Variants in ZNF131 observed in about 807,000 individuals in gnomAD.
ZNF131 encodes zinc finger protein 131.
A neutral mutation model predicts 60.0 loss-of-function variants in ZNF131; 7 were observed. The ratio of observed to expected loss-of-function variants is 0.12; its 90% CI spans 0.07 to 0.22. ZNF131 has a LOEUF of 0.22. ZNF131 is among the 10% of genes least tolerant of loss of function. ZNF131 has a pLI of 1.00. For synonymous variants in ZNF131, 257 were observed against 253.2 expected, an observed-to-expected ratio of 1.01 and a Z score of -0.14; for missense variants, 493 against 740.9, an observed-to-expected ratio of 0.67 and a Z score of 3.88.
intron 2 of ZNF131, among the ~76,000 whole-genome samples, chr5:43,122,649 C>T (rs550050027): frequency 6.6e-6 from 1 of 152,136 alleles, no homozygotes; most frequent in Non-Finnish European, 1.5e-5. Flanking sequence ...GGGGTCTTTA[C>T]CAGCCTTAGG....
chr5:43,173,917 T>C (rs183151273), intron 6 of ZNF131, among the ~76,000 whole-genome samples: 34 of 152,306 alleles, frequency 2.2e-4, no homozygotes, highest in African/African-American at 8.2e-4. Context: ...GAAGGCAGTA[T>C]TGAAATGTTT....
rs1751364957 is a variant in ZNF131 at position 43,174,532 on chromosome 5, T to C, written c.1271T>C (p.Leu424Ser). ...GGAGATAAACCCAACCATTGTACTTTATGTGATTTGTGGTTTATGCAAGGA... is the reference window on the plus strand; with the variant it reads ...GGAGATAAACCCAACCATTGTACTTCATGTGATTTGTGGTTTATGCAAGGA... ...HTGDKPNHCT[L>S]CDLWFMQGNE... Residue 424 changes from leucine to serine, a missense_variant, in exon 7 of 7, where the codon TTA becomes TCA. Around this residue, in one of 7 missense-constraint regions of ZNF131, gnomAD observed 33 missense variants for 67.9 expected, o/e 0.49. Coordinates refer to ENST00000682664, the MANE Select transcript of ZNF131 (RefSeq NM_001330707.2). The C allele has an allele frequency of 1.9e-6, 3 of 1,593,506 alleles. No homozygotes were observed. Among genetic ancestry groups the C allele is most frequent in the Non-Finnish European group, 1.7e-6 (2 of 1,169,462 alleles).
intron 4 of ZNF131, 132 bp from the exon 5 acceptor site, chr5:43,161,117 A>C: frequency 1.3e-6 from 1 of 748,616 alleles, no homozygotes; most frequent in Admixed American, 3.0e-5. Flanking sequence ...TCTTGAAATC[A>C]GGTAGGATAA....
At chr5:43,125,095 ACC>A (rs1280228421) in intron 3 of ZNF131, 1 of 152,048 alleles carries the variant, frequency 6.6e-6, no homozygotes, top group Non-Finnish European at 1.5e-5. Context: ...ACTATGTTAG[ACC>A]CAGGAGATGA....
At chr5:43,131,292 C>T (rs1353866760) in intron 3 of ZNF131, among the ~76,000 whole-genome samples, 1 of 152,154 alleles carries the variant, frequency 6.6e-6, no homozygotes, top group Non-Finnish European at 1.5e-5. Flanking sequence ...CCTGCCTCAG[C>T]CTCCCGAGTA....
chr5:43,173,199 A>T (rs1751214587), intron 5 of ZNF131, 119 bp from the exon 6 acceptor site: 1 of 1,076,352 alleles, frequency 9.3e-7, no homozygotes, highest in Admixed American at 3.0e-5. Context: ...CTGAATTGTG[A>T]TTTCTCCTTT....
intron 3 of ZNF131, among the ~76,000 whole-genome samples, chr5:43,127,230 T>C (rs1466822301): frequency 1.3e-5 from 2 of 152,116 alleles, no homozygotes; most frequent in African/African-American, 2.4e-5. Context: ...CATGGCACAT[T>C]AGGTGGGCAT....
intron 3 of ZNF131, among the ~76,000 whole-genome samples, chr5:43,131,666 A>G (rs1259893431): frequency 6.6e-6 from 1 of 152,206 alleles, no homozygotes; most frequent in Non-Finnish European, 1.5e-5. Flanking sequence ...TTACATCCCT[A>G]GCATATGGTT....
chr5:43,123,392 G>A, intron 3 of ZNF131, 82 bp downstream of exon 3: 1 of 1,214,538 alleles, frequency 8.2e-7, no homozygotes, highest in South Asian at 1.4e-5. Flanking sequence ...ACAATACTTA[G>A]CAAACAATTG....
At chr5:43,147,230 T>G (rs191863171) in intron 4 of ZNF131, among the ~76,000 whole-genome samples, 24 of 151,038 alleles carry the variant, frequency 1.6e-4, no homozygotes, top group African/African-American at 5.6e-4. Flanking sequence ...CTTTTGCATG[T>G]TTTTTTTTAA....
At position 43,145,083 on chromosome 5, in the gene ZNF131, T is replaced by C. The variant is rs1349149011; in HGVS notation, c.371+5774T>C. Among the ~76,000 whole-genome samples the C allele has an allele frequency of 7.2e-5, 11 of 152,250 alleles. No homozygotes were observed. In the South Asian group the frequency reaches 8.3e-4, roughly 11 times the overall value. On this transcript the variant is annotated intron_variant, in intron 4 of 6. Coordinates refer to ENST00000682664, the MANE Select transcript of ZNF131 (RefSeq NM_001330707.2). Reference sequence around the variant, plus strand: ...CTGAGGCAGGGATTATGTGTTTTTTTCATCTTCAGGAGGCATTTGTGGATG... The same window carrying C: ...CTGAGGCAGGGATTATGTGTTTTTTCCATCTTCAGGAGGCATTTGTGGATG...
intron 4 of ZNF131, among the ~76,000 whole-genome samples, chr5:43,147,187 G>T (rs1307984101): frequency 6.6e-6 from 1 of 151,780 alleles, no homozygotes; most frequent in African/African-American, 2.4e-5. Flanking sequence ...GTATTCCACA[G>T]TGTGGGTATG....
chr5:43,124,117 A>C (rs572740410), intron 3 of ZNF131: 81 of 152,094 alleles, frequency 5.3e-4, no homozygotes, highest in African/African-American at 1.8e-3. Context: ...CTTTTCAAAA[A>C]GGGAAGTGGT....
In ZNF131 at chr5:43,175,715, AT is replaced by A; in HGVS notation, c.*583del. The A allele has an allele frequency of 3.6e-6, 1 of 278,456 alleles. No homozygotes were observed. Among genetic ancestry groups the A allele is most frequent in the Non-Finnish European group, 6.2e-6 (1 of 160,878 alleles). 17.2% of individuals were successfully genotyped at this position (278,456 alleles called of 1,614,324 possible). Reference sequence around the variant, plus strand: ...GAGTGGTGGTGGCAAAATTTCTAGAATGTTAAAAAAAAAAAAAAATCCACAC... The same window carrying A: ...GAGTGGTGGTGGCAAAATTTCTAGAAGTTAAAAAAAAAAAAAAATCCACAC... On this transcript the variant is annotated 3_prime_UTR_variant, in exon 7 of 7. Coordinates refer to ENST00000682664, the MANE Select transcript of ZNF131 (RefSeq NM_001330707.2).
chr5:43,151,716 C>T (rs575570489), intron 4 of ZNF131, among the ~76,000 whole-genome samples: 21 of 151,622 alleles, frequency 1.4e-4, no homozygotes, highest in African/African-American at 4.8e-4. Flanking sequence ...ATTACAGGGA[C>T]GAGCCACCGC....
chr5:43,133,517 T>G (rs1745633297), intron 3 of ZNF131, among the ~76,000 whole-genome samples: 1 of 152,186 alleles, frequency 6.6e-6, no homozygotes, highest in African/African-American at 2.4e-5. Context: ...TTATTCCTGC[T>G]TTGTGTTCTT....
intron 2 of ZNF131, among the ~76,000 whole-genome samples, 172 bp from the exon 3 acceptor site, chr5:43,123,037 C>T (rs1482477694): frequency 6.6e-6 from 1 of 152,186 alleles, no homozygotes; most frequent in Non-Finnish European, 1.5e-5. Flanking sequence ...TTGAGATTAA[C>T]ATTTGCCAAG....
intron 5 of ZNF131, among the ~76,000 whole-genome samples, chr5:43,172,056 C>A (rs942239943): frequency 6.6e-6 from 1 of 152,240 alleles, no homozygotes; most frequent in Admixed American, 6.5e-5. Flanking sequence ...CCTTGTAGGC[C>A]TTCTTAAAGG....
At chr5:43,136,488 T>C (rs1746110706) in intron 3 of ZNF131, among the ~76,000 whole-genome samples, 1 of 102,816 alleles carries the variant, frequency 9.7e-6, no homozygotes, top group Non-Finnish European at 2.4e-5. Flanking sequence ...TTTTTTTTTT[T>C]TTTTTTTTTT....
Sources: allele counts gnomAD v4.1 joint callset (sites outside exome capture counted in the v4.1 genomes callset), GRCh38; gene constraint gnomAD v4.1.1; regional missense constraint gnomAD v4.1.1; transcripts MANE v1.5; gene names NCBI Gene and HGNC (gene_info 2026-07-23, HGNC 2026-07-21).